The following CDK7 variants were observed in gnomAD, a reference collection of about 807,000 sequenced individuals.
The protein encoded by CDK7 is cyclin-dependent kinase 7.
CDK7 carries 25 observed loss-of-function variants against 49.1 expected under a neutral mutation model. The ratio of observed to expected loss-of-function variants is 0.51; its 90% CI spans 0.37 to 0.71. CDK7 has a LOEUF of 0.71. Among genes scored for constraint, CDK7 ranks in the 30% least tolerant of loss-of-function variants. CDK7 has a pLI of 0.00. For synonymous variants in CDK7, 107 were observed against 140.0 expected, an observed-to-expected ratio of 0.76 and a Z score of 1.67; for missense variants, 316 against 411.7, an observed-to-expected ratio of 0.77 and a Z score of 2.01.
chr5:69,247,918 G>A (rs1436916828), intron 2 of CDK7, among the ~76,000 whole-genome samples: 8 of 152,054 alleles, frequency 5.3e-5, no homozygotes, highest in African/African-American at 1.9e-4. Flanking sequence ...TTGAAAAATT[G>A]TTATTGTTTT....
In CDK7 at chr5:69,267,291, CCTTTT is replaced by C. The variant is rs1751221436; in HGVS notation, c.628-1915_628-1911del. On this transcript the variant is annotated intron_variant, in intron 8 of 11. Coordinates refer to ENST00000256443, the MANE Select transcript of CDK7 (RefSeq NM_001799.4). The stretch of plus-strand genomic sequence containing the variant: ...TTTAGTATTTTTCTCTATAAGGATT[CCTTTT>C]TTTTTTTTTTTTTTTTTTTTTTTTG... Among the ~76,000 whole-genome samples, 4 of 115,484 alleles carry C rather than the reference CCTTTT, an allele frequency of 3.5e-5. No individual in the cohort carries two copies. The Admixed American group carries it at 4.3e-4, about 12-fold the overall frequency. The allele number at this position is 115,484 out of a possible 152,430, so 75.8% of individuals were successfully genotyped here. A position where few individuals can be genotyped will look rare whatever the true frequency, so the allele number is the denominator to read the frequency against.
intron 2 of CDK7, among the ~76,000 whole-genome samples, chr5:69,245,094 G>T (rs1364076474): frequency 6.6e-6 from 1 of 151,968 alleles, no homozygotes; most frequent in Admixed American, 6.6e-5. Flanking sequence ...ATTTTTTGAG[G>T]ATTTTTACAT....
intron 5 of CDK7, 24 bp from the exon 6 acceptor site, chr5:69,258,019 G>A (rs1350401103): frequency 1.9e-6 from 2 of 1,078,764 alleles, no homozygotes; most frequent in East Asian, 4.8e-5. Flanking sequence ...AAGGGTACCT[G>A]TATATTGTAT....
At chr5:69,253,287 CAG>C (rs1407875601) in intron 3 of CDK7, among the ~76,000 whole-genome samples, 1 of 152,016 alleles carries the variant, frequency 6.6e-6, no homozygotes, top group Non-Finnish European at 1.5e-5. Context: ...TTTTTTGAGA[CAG>C]AGTCATGCTC....
chr5:69,261,170 T>C (rs1441704750), intron 7 of CDK7, among the ~76,000 whole-genome samples: 1 of 152,142 alleles, frequency 6.6e-6, no homozygotes, highest in Non-Finnish European at 1.5e-5. Flanking sequence ...TAGATGTCAC[T>C]GAGTATAAAT....
chr5:69,235,222 C>A, intron 1 of CDK7, 172 bp from the exon 2 acceptor site: 1 of 750,706 alleles, frequency 1.3e-6, no homozygotes. Context: ...CCTGAGGGGC[C>A]TCTCCTTGCT....
Position 69,277,203 on chromosome 5 carries a change from A to G in CDK7, c.*68A>G. On this transcript the variant is annotated 3_prime_UTR_variant, in exon 12 of 12. Coordinates refer to ENST00000256443, the MANE Select transcript of CDK7 (RefSeq NM_001799.4). ...AAAAGGCAAATAATGGAAAAATAGT[A>G]AACATTAAGTAAATGCTGTAGAAGT... The G allele has an allele frequency of 8.6e-7, 1 of 1,163,658 alleles. No homozygotes were observed. The allele number at this position is 1,163,658 out of a possible 1,614,324, so 72.1% of individuals were successfully genotyped here.
intron 2 of CDK7, among the ~76,000 whole-genome samples, chr5:69,245,929 C>G (rs891289962): frequency 6.6e-6 from 1 of 152,060 alleles, no homozygotes; most frequent in Non-Finnish European, 1.5e-5. Flanking sequence ...TATTTATTTG[C>G]ATCTTCTCTC....
chr5:69,266,555 G>A (rs1237994855), intron 8 of CDK7, among the ~76,000 whole-genome samples: 1 of 152,112 alleles, frequency 6.6e-6, no homozygotes, highest in Non-Finnish European at 1.5e-5. Flanking sequence ...TGAGATGCAG[G>A]GAACATAAGA....
chr5:69,241,262 G>T, intron 2 of CDK7, among the ~76,000 whole-genome samples: 1 of 148,618 alleles, frequency 6.7e-6, no homozygotes, highest in African/African-American at 2.5e-5. Flanking sequence ...CTTATCTTTT[G>T]GATAAAAGCC....
At chr5:69,236,954 C>CTTTT (rs4053029) in intron 2 of CDK7, among the ~76,000 whole-genome samples, 66 of 83,842 alleles carry the variant, frequency 7.9e-4, no homozygotes, top group African/African-American at 9.6e-4. Context: ...GCCTGGCCTT[C>CTTTT]TTTTTTTTTT....
chr5:69,259,917 A>G lies in CDK7; in HGVS notation c.508A>G (p.Thr170Ala), dbSNP rs1211136265. 1 of 1,610,042 alleles carries G rather than the reference A, an allele frequency of 6.2e-7. No individual in the cohort carries two copies. Among genetic ancestry groups the G allele is most frequent in the Non-Finnish European group, 8.5e-7 (1 of 1,176,452 alleles). The change falls in exon 7 of 12, where the codon ACA (threonine) becomes GCA (alanine). Residue 170 changes from threonine (T) to alanine (A), a missense_variant. Thr to Ala is a moderately conservative substitution (Grantham distance 58, BLOSUM62 0). Transcript: ENST00000256443. ...TTTTGGGAGCCCCAATAGAGCTTAT[A>G]CACATCAGGTTGTAACCAGGTAAGA... ...KSFGSPNRAY[T>A]HQVVTRWYRA...
intron 2 of CDK7, among the ~76,000 whole-genome samples, chr5:69,236,482 TCTC>T: frequency 6.6e-6 from 1 of 152,162 alleles, no homozygotes; most frequent in African/African-American, 2.4e-5. Context: ...TGAATCTGCT[TCTC>T]CTGCTTCAAA....
At chr5:69,251,058 T>A (rs1204949540) in intron 2 of CDK7, among the ~76,000 whole-genome samples, 1 of 151,030 alleles carries the variant, frequency 6.6e-6, no homozygotes, top group East Asian at 2.0e-4. Flanking sequence ...GCCTTCCAAG[T>A]AGATGGAACT....
At chr5:69,242,087 T>TG (rs1303323955) in intron 2 of CDK7, among the ~76,000 whole-genome samples, 2 of 152,198 alleles carry the variant, frequency 1.3e-5, no homozygotes, top group East Asian at 3.8e-4. Context: ...TTGTATATGA[T>TG]GAGAGATATG....
At chr5:69,272,580 A>G (rs1751675433) in intron 9 of CDK7, among the ~76,000 whole-genome samples, 1 of 152,122 alleles carries the variant, frequency 6.6e-6, no homozygotes, top group Non-Finnish European at 1.5e-5. Context: ...TATAGCTTAT[A>G]GTATATTACC....
intron 8 of CDK7, among the ~76,000 whole-genome samples, chr5:69,266,172 A>G (rs1315172644): frequency 6.6e-6 from 1 of 152,216 alleles, no homozygotes; most frequent in East Asian, 1.9e-4. Flanking sequence ...TGCGGTCAGC[A>G]GGCTGAAGAG....
At chr5:69,260,414 G>A (rs916544539) in intron 7 of CDK7, among the ~76,000 whole-genome samples, 1 of 151,866 alleles carries the variant, frequency 6.6e-6, no homozygotes, top group South Asian at 2.1e-4. Flanking sequence ...ACTTTACCAC[G>A]ATGAAAAAAT....
chr5:69,240,725 T>C (rs1160817438), intron 2 of CDK7, among the ~76,000 whole-genome samples: 2 of 152,124 alleles, frequency 1.3e-5, no homozygotes, highest in African/African-American at 4.8e-5. Context: ...CCTCCCAGGT[T>C]CAAGCAGTTC....
Sources: gnomAD v4.1 joint callset for allele counts (sites outside exome capture counted in the v4.1 genomes callset) on GRCh38, gnomAD v4.1.1 for gene constraint, MANE v1.5 for transcripts, NCBI Gene and HGNC (gene_info 2026-07-23, HGNC 2026-07-21) for gene names.